Variants in MMP25 observed in about 807,000 individuals in gnomAD.
MMP25 encodes the protein matrix metalloproteinase-25.
A neutral mutation model predicts 62.1 loss-of-function variants in MMP25; 68 were observed. That is an observed-to-expected ratio of 1.10 (90% CI 0.90 to 1.34). The LOEUF is 1.34. MMP25 is among the 40% of genes most tolerant of loss of function. MMP25 has a pLI of 0.00. For synonymous variants in MMP25, 407 were observed against 345.6 expected, an observed-to-expected ratio of 1.18 and a Z score of -1.97; for missense variants, 942 against 792.5, an observed-to-expected ratio of 1.19 and a Z score of -2.26.
In MMP25 at chr16:3,057,404, C is replaced by A. The variant is rs1328319044; in HGVS notation, c.923+10C>A. Reference sequence around the variant, plus strand: ...CCTCGCCCACACACAGGTGAGTCCCCCACCAACTCGGAGACCTTGGGTGAC... The same window carrying A: ...CCTCGCCCACACACAGGTGAGTCCCACACCAACTCGGAGACCTTGGGTGAC... On this transcript the variant is annotated intron_variant, in intron 6 of 9. Coordinates refer to ENST00000336577, the MANE Select transcript of MMP25 (RefSeq NM_022468.5). 3.1e-6 allele frequency: 5 copies of A among 1,609,400 alleles called. No individual in the cohort carries two copies. Among genetic ancestry groups the A allele is most frequent in the Non-Finnish European group, 4.2e-6 (5 of 1,177,076 alleles).
At chr16:3,049,845 G>A in intron 2 of MMP25, 164 bp from the exon 3 acceptor site, 1 of 1,045,920 alleles carries the variant, frequency 9.6e-7, no homozygotes, top group Non-Finnish European at 1.4e-6. Flanking sequence ...CTGGCTTCCA[G>A]AGACAGACTG....
Position 3,058,077 on chromosome 16 carries a change from C to A in MMP25, c.1007-104C>A. 5.8e-6 allele frequency: 8 copies of A among 1,389,910 alleles called. No individual in the cohort carries two copies. The South Asian group carries it at 8.8e-5, about 15-fold the overall frequency. 86.1% of individuals were successfully genotyped at this position (1,389,910 alleles called of 1,614,324 possible). On this transcript the variant is annotated intron_variant, in intron 7 of 9. Transcript: ENST00000336577. The stretch of plus-strand genomic sequence containing the variant: ...GGCTGGTCACCCTAGATCCATTGCG[C>A]CCTTGATTTCCAGATGGGACCCCTC...
At position 3,050,139 on chromosome 16, in the gene MMP25, A is replaced by G. The variant is rs1469567190; in HGVS notation, c.363A>G (p.Thr121=). ...GCGTGTGGAAGAAGCGAACCCTGAC[A>G]TGGAGGTAGGTCCTGGGGCCCACCC... The part of the protein sequence containing the change: ...SGSVWKKRTL[T]WRVRSFPQSS... The change falls in exon 3 of 10, where the codon ACA becomes ACG. Residue 121 remains threonine, a synonymous_variant. Coordinates refer to ENST00000336577, the MANE Select transcript of MMP25 (RefSeq NM_022468.5). The G allele has an allele frequency of 3.1e-6, 5 of 1,605,654 alleles. No homozygotes were observed. The highest frequency in any genetic ancestry group is 1.6e-4 in the Middle Eastern group (1 of 6,068).
In MMP25 at chr16:3,059,431, C is replaced by G. The variant is rs1216516994; in HGVS notation, c.*333C>G. 3.0e-5 allele frequency: 7 copies of G among 234,228 alleles called. No individual in the cohort carries two copies. In the East Asian group the frequency reaches 5.7e-4, roughly 19 times the overall value. The allele number at this position is 234,228 out of a possible 1,614,324, so 14.5% of individuals were successfully genotyped here. ...CCAGGGGGCGGTCGGACCCCGCCTC[C>G]CGAGCCCGGGGAGGGGCGGGGAGGA... is the stretch of plus-strand genomic sequence containing the variant. On this transcript the variant is annotated 3_prime_UTR_variant, in exon 10 of 10. Transcript: ENST00000336577.
chr16:3,046,759 G>A lies in MMP25; in HGVS notation c.-159G>A. 1 of 440,748 alleles carries A rather than the reference G, an allele frequency of 2.3e-6. No homozygotes were observed. The highest frequency in any genetic ancestry group is 4.0e-6 in the Non-Finnish European group (1 of 252,284). The allele number at this position is 440,748 out of a possible 1,614,324, so 27.3% of individuals were successfully genotyped here. On this transcript the variant is annotated 5_prime_UTR_variant, in exon 1 of 10. Transcript: ENST00000336577. ...CGCTGACTCCACCGCGCACTTCCCG[G>A]GACCCCCACACACATCCCAGCCCTC...
At chr16:3,056,032 G>C (rs1738224971) in intron 4 of MMP25, 1 of 439,098 alleles carries the variant, frequency 2.3e-6, no homozygotes, top group Non-Finnish European at 4.6e-6. Flanking sequence ...GAGGAGCTCT[G>C]TGTTCCCAAG....
rs760635037 is a variant in MMP25, at chr16:3,058,570, G to C, written c.1318G>C (p.Asp440His). The change falls in exon 9 of 10, where the codon GAC becomes CAC. Residue 440 changes from aspartate (D) to histidine (H), a missense_variant. Asp to His is a moderately conservative substitution (Grantham distance 81, BLOSUM62 -1). Coordinates refer to ENST00000336577, the MANE Select transcript of MMP25 (RefSeq NM_022468.5). ...CCGCGGCCGGCAGTACTGGCGCTAC[G>C]ACGAGGCGGCGGCGCGCCCGGACCC... is the stretch of plus-strand genomic sequence containing the variant. ...LVRGRQYWRY[D>H]EAAARPDPGY... 3 of 1,609,906 alleles carry C rather than the reference G, an allele frequency of 1.9e-6. No individual in the cohort carries two copies. Among genetic ancestry groups the C allele is most frequent in the African/African-American group, 1.3e-5 (1 of 74,990 alleles).
In MMP25 at chr16:3,046,808, G is replaced by A; in HGVS notation, c.-110G>A. The A allele has an allele frequency of 1.8e-6, 1 of 540,726 alleles. No homozygotes were observed. The highest frequency in any genetic ancestry group is 3.2e-5 in the South Asian group (1 of 31,412). 33.5% of individuals were successfully genotyped at this position (540,726 alleles called of 1,614,324 possible). The stretch of plus-strand genomic sequence containing the variant: ...TCCGGCCGATCCCTCCCTACTCGGT[G>A]CCGGGTGCCCCCCGCCCTCTCCAGG... On this transcript the variant is annotated 5_prime_UTR_variant, in exon 1 of 10. Transcript: ENST00000336577.
chr16:3,050,606 T>G, intron 4 of MMP25, 60 bp downstream of exon 4: 1 of 1,459,148 alleles, frequency 6.9e-7, no homozygotes, highest in South Asian at 1.4e-5. Flanking sequence ...GAATAAGTTT[T>G]CTGTTGTGTG....
In MMP25 at chr16:3,050,192, G is replaced by A. The variant is rs372798758; in HGVS notation, c.368+48G>A. 26 of 1,577,520 alleles carry A rather than the reference G, an allele frequency of 1.6e-5. No homozygotes were observed. In the African/African-American group the frequency reaches 1.9e-4, roughly 11 times the overall value. On this transcript the variant is annotated intron_variant, in intron 3 of 9. Coordinates refer to ENST00000336577, the MANE Select transcript of MMP25 (RefSeq NM_022468.5). ...ACCCTGGCCCTGCCTGCTGGGCTCC[G>A]GCTTTGAATGGCTGCCTGCTCCCTC...
intron 4 of MMP25, chr16:3,056,053 A>C (rs917634490): frequency 1.7e-5 from 7 of 419,488 alleles, no homozygotes; most frequent in Admixed American, 1.3e-4. Context: ...GAGATGGAGG[A>C]AGACCTGGGG....
intron 2 of MMP25, among the ~76,000 whole-genome samples, chr16:3,049,248 T>A (rs1955864075): frequency 6.6e-6 from 1 of 151,890 alleles, no homozygotes; most frequent in Admixed American, 6.6e-5. Flanking sequence ...CAGAAGTAGT[T>A]GGATTCGGGG....
rs367986982 is a variant in MMP25, at chr16:3,047,453, C to G, written c.138C>G (p.His46Gln). The change falls in exon 2 of 10, where the codon CAC (histidine) becomes CAG (glutamine). Residue 46 changes from histidine (H) to glutamine (Q), a missense_variant. His to Gln is a conservative substitution (Grantham distance 24). Coordinates refer to ENST00000336577, the MANE Select transcript of MMP25 (RefSeq NM_022468.5). ...GCTATGGTTACCTGCCGCCACCCCA[C>G]CCTGCCCAGGCCCAGCTGCAGAGCC... ...LTRYGYLPPP[H>Q]PAQAQLQSPE... The G allele has an allele frequency of 1.9e-6, 3 of 1,613,788 alleles. No individual in the cohort carries two copies. In the African/African-American group the frequency reaches 4.0e-5, roughly 22 times the overall value.
chr16:3,047,394 C>A (rs909409), intron 1 of MMP25, 21 bp from the exon 2 acceptor site: 7 of 1,604,456 alleles, frequency 4.4e-6, no homozygotes, highest in Non-Finnish European at 6.0e-6. Flanking sequence ...CCCGCTTCAC[C>A]TGCCCCCTCC....
intron 2 of MMP25, among the ~76,000 whole-genome samples, chr16:3,048,157 A>G (rs1325744578): frequency 6.6e-6 from 1 of 152,088 alleles, no homozygotes; most frequent in Admixed American, 6.5e-5. Context: ...ATTTTTTTAA[A>G]TTTAGCTGAG....
chr16:3,052,459 C>T (rs1344066155), intron 4 of MMP25: 1 of 152,320 alleles, frequency 6.6e-6, no homozygotes, highest in African/African-American at 2.4e-5. Context: ...TCATCAGCTT[C>T]AGCGGGGGGC....
At position 3,058,486 on chromosome 16, in the gene MMP25, C is replaced by T; in HGVS notation, c.1234C>T (p.Pro412Ser). The T allele has an allele frequency of 6.2e-7, 1 of 1,608,244 alleles. No homozygotes were observed. The highest frequency in any genetic ancestry group is 1.3e-5 in the African/African-American group (1 of 74,938). Residue 412 changes from proline to serine, a missense_variant, in exon 9 of 10, where the codon CCG becomes TCG. Pro to Ser is a moderately conservative substitution (Grantham distance 74). Coordinates refer to ENST00000336577, the MANE Select transcript of MMP25 (RefSeq NM_022468.5). ...GCCGCTCACGGAGCTGGGGCTGCCC[C>T]CGGGAGAGGAGGTGGACGCCGTGTT... is the stretch of plus-strand genomic sequence containing the variant. ...ARPLTELGLP[P>S]GEEVDAVFSW...
rs1211793876 is a variant in MMP25, at chr16:3,057,335, C to G, written c.864C>G (p.Asp288Glu). ...LYGKAPQTPY[D>E]KPTRKPLAPP... ...GGAAGGCGCCCCAAACCCCATATGA[C>G]AAGCCCACAAGGAAACCCCTGGCTC... The change falls in exon 6 of 10, where the codon GAC (aspartate) becomes GAG (glutamate). Residue 288 changes from aspartate (D) to glutamate (E), a missense_variant. By Grantham distance (45) the Asp-to-Glu change is conservative. Coordinates refer to ENST00000336577, the MANE Select transcript of MMP25 (RefSeq NM_022468.5). The G allele has an allele frequency of 6.2e-7, 1 of 1,614,038 alleles. No individual in the cohort carries two copies. Among genetic ancestry groups the G allele is most frequent in the South Asian group, 1.1e-5 (1 of 91,036 alleles).
chr16:3,056,870 A>T, intron 4 of MMP25, 163 bp from the exon 5 acceptor site: 1 of 623,534 alleles, frequency 1.6e-6, no homozygotes, highest in South Asian at 2.1e-5. Flanking sequence ...GACTGGAGAC[A>T]GGGATGATGG....
Sources: gnomAD v4.1 joint callset for allele counts (sites outside exome capture counted in the v4.1 genomes callset) on GRCh38, gnomAD v4.1.1 for gene constraint, MANE v1.5 for transcripts, NCBI Gene and HGNC (gene_info 2026-07-23, HGNC 2026-07-21) for gene names.